The following SLC16A3 variants were observed in gnomAD, a reference collection of about 807,000 sequenced individuals.
SLC16A3 encodes the protein monocarboxylate transporter 4.
A neutral mutation model predicts 25.0 loss-of-function variants in SLC16A3; 22 were observed. The observed-to-expected ratio is 0.88, with a 90% CI of 0.63 to 1.26. SLC16A3 has a LOEUF of 1.26. SLC16A3 is among the 50% of genes most tolerant of loss of function. The pLI, the probability that SLC16A3 is intolerant of heterozygous loss-of-function variation, is 0.00. For missense variants in SLC16A3, 731 were observed against 666.6 expected (o/e 1.10, Z -1.06); for synonymous variants, 390 against 309.2 (o/e 1.26, Z -2.74).
At chr17:82,223,435 C>T (rs944640824), upstream of SLC16A3, among the ~76,000 whole-genome samples, 26 of 152,276 alleles carry the variant, frequency 1.7e-4, no homozygotes, top group African/African-American at 6.3e-4. Context: ...GTGATCTGCC[C>T]ACACTGGCCT....
intron 1 of SLC16A3, among the ~76,000 whole-genome samples, chr17:82,220,492 C>T (rs1228223080): frequency 6.6e-6 from 1 of 152,168 alleles, no homozygotes; most frequent in Non-Finnish European, 1.5e-5. Flanking sequence ...AGATTCCGGC[C>T]AGGCATGGTG....
rs56956218 is a variant in SLC16A3 at position 82,237,094 on chromosome 17, T to TG, written c.368-40dup. The TG allele has an allele frequency of 0.022, 32,237 of 1,474,880 alleles. 2,886 individuals carry two copies. In the African/African-American group the frequency reaches 0.28, roughly 13 times the overall value. 91.4% of individuals were successfully genotyped at this position (1,474,880 alleles called of 1,614,324 possible). ...GGGCAGAGATGAGGGTCTCGGGCTTTGGGGCAGCCTTGGGGGGCTCTCACC... is the reference window on the plus strand; with the variant it reads ...GGGCAGAGATGAGGGTCTCGGGCTTTGGGGGCAGCCTTGGGGGGCTCTCACC... On this transcript the variant is annotated intron_variant, in intron 3 of 4. Coordinates refer to ENST00000582743, the MANE Select transcript of SLC16A3 (RefSeq NM_004207.4).
intron 1 of SLC16A3, among the ~76,000 whole-genome samples, chr17:82,218,997 C>T (rs561272669): frequency 1.3e-5 from 2 of 152,258 alleles, no homozygotes; most frequent in African/African-American, 2.4e-5. Flanking sequence ...CGTGTGAGCC[C>T]AGCAGGACTG....
Position 82,236,185 on chromosome 17 carries a change from C to G in SLC16A3, c.177C>G (p.Asp59Glu), listed in dbSNP as rs1368593321. 1.2e-6 allele frequency: 2 copies of G among 1,612,966 alleles called. No individual in the cohort carries two copies. The highest frequency in any genetic ancestry group is 1.7e-6 in the Non-Finnish European group (2 of 1,179,964). Residue 59 changes from aspartate (D) to glutamate (E), a missense_variant, in exon 2 of 5, where the codon GAC (aspartate) becomes GAG (glutamate). Physicochemically the swap from Asp to Glu is conservative, Grantham distance 45 (BLOSUM62 2). Transcript: ENST00000582743. Reference protein sequence around the residue: ...LIQEFGIGYSDTAWISSILLA... With the variant: ...LIQEFGIGYSETAWISSILLA... ...AGGAGTTTGGGATCGGCTACAGCGA[C>G]ACAGCCTGGATCTCCTCCATCCTGC...
chr17:82,222,749 G>C (rs2050396911), intron 1 of SLC16A3, among the ~76,000 whole-genome samples: 1 of 148,252 alleles, frequency 6.7e-6, no homozygotes, highest in Non-Finnish European at 1.5e-5. Flanking sequence ...GTTGCAATGA[G>C]CCGAGATCAA....
chr17:82,219,976 A>C (rs9747201), intron 1 of SLC16A3, among the ~76,000 whole-genome samples: 115,226 of 151,992 alleles, frequency 0.76, 44,345 homozygotes, highest in East Asian at 0.93. Context: ...AGGCGAAAAA[A>C]CGCACTCCAG....
At position 82,237,463 on chromosome 17, in the gene SLC16A3, C is replaced by T. The variant is rs79525659; in HGVS notation, c.693C>T (p.Tyr231=). The change falls in exon 4 of 5, where the codon TAC becomes TAT. Residue 231 remains tyrosine (Y), a synonymous_variant. Coordinates refer to ENST00000582743, the MANE Select transcript of SLC16A3 (RefSeq NM_004207.4). The part of the protein sequence containing the change: ...SVFRDRGFVL[Y]AVAASVMVLG... Reference sequence around the variant, plus strand: ...TCCGGGACCGCGGCTTTGTGCTTTACGCCGTGGCCGCCTCGGTCATGGTGC... The same window carrying T: ...TCCGGGACCGCGGCTTTGTGCTTTATGCCGTGGCCGCCTCGGTCATGGTGC... 939 of 1,606,434 alleles carry T rather than the reference C, an allele frequency of 5.8e-4. 1 individual carries two copies. In the African/African-American group the frequency reaches 9.6e-3, roughly 16 times the overall value.
At chr17:82,233,042 C>T (rs2147120663) in intron 1 of SLC16A3, among the ~76,000 whole-genome samples, 1 of 152,242 alleles carries the variant, frequency 6.6e-6, no homozygotes, top group South Asian at 2.1e-4. Flanking sequence ...CCCTGGAACA[C>T]CGGGCAGTCT....
intron 1 of SLC16A3, 49 bp downstream of exon 1, chr17:82,229,155 C>G (rs1319506543): frequency 6.6e-6 from 1 of 151,662 alleles, no homozygotes; most frequent in Non-Finnish European, 1.5e-5. Flanking sequence ...CAGGAGCTCC[C>G]CCGTGCCGGG....
Position 82,231,870 on chromosome 17 carries a change from CAG to C in SLC16A3, c.-27+2767_-27+2768del, listed in dbSNP as rs1474133424. The C allele has an allele frequency of 3.3e-5, 5 of 152,272 alleles. No homozygotes were observed. In the South Asian group the frequency reaches 1.0e-3, roughly 31 times the overall value. The allele number at this position is 152,272 out of a possible 1,614,324, so 9.4% of individuals were successfully genotyped here. A position where few individuals can be genotyped will look rare whatever the true frequency, so the allele number is the denominator to read the frequency against. On this transcript the variant is annotated intron_variant, in intron 1 of 4. Coordinates refer to ENST00000582743, the MANE Select transcript of SLC16A3 (RefSeq NM_004207.4). ...GGCTGCGCGAGGGGTCTGCGGGGGTCAGAGGTGGGGCGCAGGGCCCAGGCCTG... is the reference window on the plus strand; with the variant it reads ...GGCTGCGCGAGGGGTCTGCGGGGGTCAGGTGGGGCGCAGGGCCCAGGCCTG...
chr17:82,237,094 T>G (rs1369232083), intron 3 of SLC16A3, 44 bp from the exon 4 acceptor site: 1 of 1,474,792 alleles, frequency 6.8e-7, no homozygotes, highest in African/African-American at 1.4e-5. Context: ...TCTCGGGCTT[T>G]GGGGCAGCCT....
rs1158851493 is a variant in SLC16A3, at chr17:82,236,165, T to C, written c.157T>C (p.Phe53Leu). The change falls in exon 2 of 5, where the codon TTT (phenylalanine) becomes CTT (leucine). Residue 53 changes from phenylalanine to leucine, a missense_variant. Phe to Leu is a conservative substitution (Grantham distance 22). Transcript: ENST00000582743. ...SVFFKELIQE[F>L]GIGYSDTAWI... The stretch of plus-strand genomic sequence containing the variant: ...CTTCTTCAAGGAGCTCATACAGGAG[T>C]TTGGGATCGGCTACAGCGACACAGC... 1.9e-6 allele frequency: 3 copies of C among 1,613,012 alleles called. No individual in the cohort carries two copies. Among genetic ancestry groups the C allele is most frequent in the Non-Finnish European group, 8.5e-7 (1 of 1,179,912 alleles).
chr17:82,238,590 GCAGA>G, intron 4 of SLC16A3, 108 bp from the exon 5 acceptor site: 3 of 1,110,074 alleles, frequency 2.7e-6, no homozygotes, highest in Non-Finnish European at 3.7e-6. Flanking sequence ...AAGCTCAGAG[GCAGA>G]CAGGGTGACC....
Position 82,237,263 on chromosome 17 carries a change from C to A in SLC16A3, c.493C>A (p.Pro165Thr). Residue 165 changes from proline (P) to threonine (T), a missense_variant, in exon 4 of 5, where the codon CCG becomes ACG. Pro to Thr is a conservative substitution (Grantham distance 38). Coordinates refer to ENST00000582743, the MANE Select transcript of SLC16A3 (RefSeq NM_004207.4). ...GSPVFLCALS[P>T]LGQLLQDRYG... The stretch of plus-strand genomic sequence containing the variant: ...CCCTGTCTTCCTGTGTGCCCTGAGC[C>A]CGCTGGGGCAGCTGCTGCAGGACCG... The A allele has an allele frequency of 1.3e-6, 2 of 1,564,368 alleles. No individual in the cohort carries two copies. Among genetic ancestry groups the A allele is most frequent in the South Asian group, 2.3e-5 (2 of 85,260 alleles).
intron 1 of SLC16A3, among the ~76,000 whole-genome samples, chr17:82,221,938 G>A (rs2050391039): frequency 6.6e-6 from 1 of 152,220 alleles, no homozygotes; most frequent in South Asian, 2.1e-4. Flanking sequence ...TGGAGAAACT[G>A]GAACCCTTGA....
At chr17:82,232,918 C>CGG (rs150048859) in intron 1 of SLC16A3, among the ~76,000 whole-genome samples, 1,687 of 47,184 alleles carry the variant, frequency 0.036, 113 homozygotes, top group African/African-American at 0.064. Context: ...TGGGGGGCGG[C>CGG]GGGGGGGGGG....
upstream of SLC16A3, among the ~76,000 whole-genome samples, chr17:82,227,705 G>A (rs893796902): frequency 6.8e-6 from 1 of 147,530 alleles, no homozygotes; most frequent in Non-Finnish European, 1.5e-5. Context: ...CAACTAAGTA[G>A]AGTCTTCATC....
At chr17:82,232,682 A>T (rs2050516729) in intron 1 of SLC16A3, among the ~76,000 whole-genome samples, 1 of 152,122 alleles carries the variant, frequency 6.6e-6, no homozygotes, top group East Asian at 1.9e-4. Flanking sequence ...CCCTCGAGGG[A>T]ACTGCCTGCA....
intron 1 of SLC16A3, chr17:82,231,102 G>C (rs8079570): frequency 6.6e-6 from 1 of 152,248 alleles, no homozygotes; most frequent in Non-Finnish European, 1.5e-5. Context: ...CAATACGGGG[G>C]CTCCTCCCAT....
Sources: allele counts gnomAD v4.1 joint callset (sites outside exome capture counted in the v4.1 genomes callset), GRCh38; gene constraint gnomAD v4.1.1; transcripts MANE v1.5; gene names NCBI Gene and HGNC (gene_info 2026-07-23, HGNC 2026-07-21).